EYS: variants seen among roughly 807,000 people sequenced by gnomAD.
The protein encoded by EYS is EGF-like photoreceptor maintenance factor, also known as protein eyes shut homolog.
EYS carries 250 observed loss-of-function variants against 282.1 expected under a neutral mutation model. That is an observed-to-expected ratio of 0.89 (90% CI 0.80 to 0.98). EYS has a LOEUF of 0.98. Among genes scored for constraint, EYS ranks in the 50% least tolerant of loss-of-function variants. EYS has a pLI of 0.00. For synonymous variants in EYS, 1,355 were observed against 1,282.9 expected (o/e 1.06, Z -1.20); for missense variants, 4,016 against 3,709.0 (o/e 1.08, Z -2.15).
intron 19 of EYS, among the ~76,000 whole-genome samples, chr6:64,863,768 G>GA (rs1159485113): frequency 6.6e-6 from 1 of 152,100 alleles, no homozygotes; most frequent in Non-Finnish European, 1.5e-5. Context: ...GGAATTTTCT[G>GA]AAAACCCTTA....
At chr6:64,185,966 G>A (rs994908211) in intron 31 of EYS, among the ~76,000 whole-genome samples, 2 of 152,002 alleles carry the variant, frequency 1.3e-5, no homozygotes, top group African/African-American at 2.4e-5. Flanking sequence ...TTTTCACAAC[G>A]CCGGGCTAAA....
chr6:64,449,431 TG>T (rs1775238526), intron 26 of EYS, among the ~76,000 whole-genome samples: 1 of 152,190 alleles, frequency 6.6e-6, no homozygotes, highest in African/African-American at 2.4e-5. Flanking sequence ...GAAAACACTC[TG>T]CAGGATATTA....
intron 13 of EYS, among the ~76,000 whole-genome samples, chr6:65,039,162 G>A (rs1375610951): frequency 4.0e-5 from 6 of 151,444 alleles, no homozygotes; most frequent in Non-Finnish European, 3.0e-5. Context: ...AGAGAATGAT[G>A]ATCATCTAAA....
At chr6:65,074,269 C>T (rs1006372308) in intron 12 of EYS, among the ~76,000 whole-genome samples, 1 of 151,898 alleles carries the variant, frequency 6.6e-6, no homozygotes, top group Non-Finnish European at 1.5e-5. Flanking sequence ...TCTTCAGCTC[C>T]ACAGGTTCAG....
Position 65,402,570 on chromosome 6 carries a change from A to G in EYS, c.1092T>C (p.Asp364=). The G allele has an allele frequency of 6.3e-7, 1 of 1,579,870 alleles. No homozygotes were observed. The highest frequency in any genetic ancestry group is 8.7e-7 in the Non-Finnish European group (1 of 1,149,792). ...ATGTTTGAATGCTCTTACAAAGCAA[A>G]TCTGTAAATATTGGTGAACAGATGC... ...VMCICSPIFT[D]LLCKSIQTSC... The change falls in exon 7 of 43, where the codon GAT becomes GAC. Residue 364 remains aspartate (D), a synonymous_variant. Coordinates refer to ENST00000503581, the MANE Select transcript of EYS (RefSeq NM_001142800.2).
intron 13 of EYS, among the ~76,000 whole-genome samples, chr6:65,032,899 T>C (rs1164710254): frequency 6.6e-6 from 1 of 150,410 alleles, no homozygotes; most frequent in Non-Finnish European, 1.5e-5. Flanking sequence ...AGAGATTGGT[T>C]AAATAATTGT....
intron 5 of EYS, among the ~76,000 whole-genome samples, chr6:65,415,225 T>A (rs1436902131): frequency 2.0e-5 from 3 of 151,998 alleles, no homozygotes; most frequent in African/African-American, 7.2e-5. Context: ...AGAGGTAGTA[T>A]ATAATTCCTG....
At chr6:64,561,000 G>A (rs888408069) in intron 26 of EYS, among the ~76,000 whole-genome samples, 17 of 152,116 alleles carry the variant, frequency 1.1e-4, no homozygotes, top group African/African-American at 3.9e-4. Context: ...ACATGATCAA[G>A]CAGGCTTCAT....
chr6:64,704,563 T>TTATAATAATATTATAATTATAATA (rs1222279819), intron 22 of EYS, among the ~76,000 whole-genome samples: 3 of 96,902 alleles, frequency 3.1e-5, no homozygotes, highest in Admixed American at 1.1e-4. Flanking sequence ...CTTATAATAC[T>TTATAATAATATTATAATTATAATA]CTCATTGAAA....
At chr6:65,442,494 C>G (rs1768372426) in intron 5 of EYS, among the ~76,000 whole-genome samples, 1 of 151,928 alleles carries the variant, frequency 6.6e-6, no homozygotes, top group Non-Finnish European at 1.5e-5. Flanking sequence ...GTGGTTCATG[C>G]CTGTAATCCC....
intron 12 of EYS, among the ~76,000 whole-genome samples, chr6:65,141,342 TG>T (rs1764335023): frequency 2.0e-5 from 3 of 151,696 alleles, no homozygotes; most frequent in Admixed American, 1.3e-4. Context: ...GGGACTGTTG[TG>T]GGGTGGCGGG....
intron 35 of EYS, among the ~76,000 whole-genome samples, chr6:63,965,018 A>G (rs1429140943): frequency 2.0e-5 from 3 of 152,174 alleles, no homozygotes; most frequent in African/African-American, 4.8e-5. Flanking sequence ...ACCAGTTTAT[A>G]CTTATATCGT....
intron 31 of EYS, among the ~76,000 whole-genome samples, chr6:64,143,556 T>C (rs1274181911): frequency 6.6e-6 from 1 of 152,080 alleles, no homozygotes; most frequent in Non-Finnish European, 1.5e-5. Context: ...AAGTTCAAAT[T>C]TGAGATGTCT....
intron 31 of EYS, among the ~76,000 whole-genome samples, chr6:64,133,361 G>C (rs1774048472): frequency 6.6e-6 from 1 of 151,824 alleles, no homozygotes; most frequent in Admixed American, 6.6e-5. Context: ...TTTTTCATCT[G>C]ATATCTCCCT....
intron 36 of EYS, among the ~76,000 whole-genome samples, chr6:63,831,832 C>A (rs1451685824): frequency 2.0e-5 from 3 of 152,156 alleles, no homozygotes; most frequent in African/African-American, 7.2e-5. Flanking sequence ...CACTCCTCAG[C>A]AAATGTAAAA....
In EYS at chr6:64,121,865, C is replaced by G. The variant is rs548060285; in HGVS notation, c.6425-39863G>C. 5.3e-5 allele frequency among the ~76,000 whole-genome samples: 8 copies of G among 152,290 alleles called. No individual in the cohort carries two copies. In the South Asian group the frequency reaches 1.0e-3, roughly 20 times the overall value. ...AAAGGGCTGATATCCCAGTACCCATCATGGAGCTCATCTATAGACAGGGCT... is the reference window on the plus strand; with the variant it reads ...AAAGGGCTGATATCCCAGTACCCATGATGGAGCTCATCTATAGACAGGGCT... On this transcript the variant is annotated intron_variant, in intron 31 of 42. Coordinates refer to ENST00000503581, the MANE Select transcript of EYS (RefSeq NM_001142800.2).
At chr6:65,153,870 T>G (rs1364292642) in intron 12 of EYS, among the ~76,000 whole-genome samples, 1 of 151,880 alleles carries the variant, frequency 6.6e-6, no homozygotes, top group Non-Finnish European at 1.5e-5. Flanking sequence ...GATAAGACTA[T>G]TATGGCCTTC....
chr6:64,486,673 A>T lies in EYS; in HGVS notation c.5645-47321T>A, dbSNP rs191550292. On this transcript the variant is annotated intron_variant, in intron 26 of 42. Transcript: ENST00000503581. ...AAGGAAAACTATCCATGTGTTCCAC[A>T]TGATCAATTCTGGAATAAACCAAAA... is the stretch of plus-strand genomic sequence containing the variant. Among the ~76,000 whole-genome samples the T allele has an allele frequency of 9.2e-5, 14 of 151,538 alleles. No individual in the cohort carries two copies. In the East Asian group the frequency reaches 2.5e-3, roughly 27 times the overall value.
intron 22 of EYS, among the ~76,000 whole-genome samples, chr6:64,695,587 CTTTTTT>C (rs70999162): frequency 7.0e-6 from 1 of 141,852 alleles, no homozygotes; most frequent in African/African-American, 2.6e-5. Context: ...TTTCTTTTAA[CTTTTTT>C]TTTTTTTTTG....
Sources: allele counts gnomAD v4.1 joint callset (sites outside exome capture counted in the v4.1 genomes callset), GRCh38; gene constraint gnomAD v4.1.1; transcripts MANE v1.5; gene names NCBI Gene and HGNC (gene_info 2026-07-23, HGNC 2026-07-21).